VPS8: variants seen among roughly 807,000 people sequenced by gnomAD.
VPS8 encodes the protein vacuolar protein sorting-associated protein 8 homolog.
A neutral mutation model predicts 216.4 loss-of-function variants in VPS8; 129 were observed. The observed-to-expected ratio is 0.60, with a 90% CI of 0.52 to 0.69. The LOEUF is 0.69. VPS8 is among the 30% of genes least tolerant of loss of function. The probability of loss-of-function intolerance (pLI) is 0.00; values close to 1 mark genes in which losing one functional copy is unlikely to be tolerated. For missense variants in VPS8, 1,531 were observed against 1,683.5 expected (o/e 0.91, Z 1.59); for synonymous variants, 571 against 565.4 (o/e 1.01, Z -0.14).
At chr3:184,972,675 T>C (rs1331388174) in intron 40 of VPS8, among the ~76,000 whole-genome samples, 1 of 152,216 alleles carries the variant, frequency 6.6e-6, no homozygotes, top group East Asian at 1.9e-4. Context: ...AGATCCCAGA[T>C]GGCACAAAAG....
In VPS8 at chr3:184,966,946, G is replaced by A. The variant is rs1273663619; in HGVS notation, c.3316+233G>A. 4.0e-5 allele frequency among the ~76,000 whole-genome samples: 6 copies of A among 150,840 alleles called. No homozygotes were observed. In the East Asian group the frequency reaches 1.2e-3, roughly 30 times the overall value. On this transcript the variant is annotated intron_variant, in intron 39 of 47. Transcript: ENST00000625842. Reference sequence around the variant, plus strand: ...AATTTTCGGTGGAGTTAAATATACAGAAAATTATGCACTGTTTGTTGGTTA... The same window carrying A: ...AATTTTCGGTGGAGTTAAATATACAAAAAATTATGCACTGTTTGTTGGTTA...
At chr3:184,826,914 C>T (rs1232789023) in intron 3 of VPS8, among the ~76,000 whole-genome samples, 1 of 152,168 alleles carries the variant, frequency 6.6e-6, no homozygotes, top group African/African-American at 2.4e-5. Context: ...TCTAAAGGGG[C>T]TCTGTGAGAG....
At chr3:184,818,772 A>G (rs1328787886) in intron 1 of VPS8, among the ~76,000 whole-genome samples, 1 of 152,154 alleles carries the variant, frequency 6.6e-6, no homozygotes. Context: ...TTGTAATGTG[A>G]AAAAGTATCT....
At chr3:185,034,251 G>A (rs530111548) in intron 46 of VPS8, among the ~76,000 whole-genome samples, 133 of 152,306 alleles carry the variant, frequency 8.7e-4, no homozygotes, top group Middle Eastern at 3.4e-3. Flanking sequence ...TAGTCCATGT[G>A]TACCAGATTT....
intron 44 of VPS8, 60 bp from the exon 45 acceptor site, chr3:184,999,632 ACAAG>A: frequency 1.3e-6 from 2 of 1,510,018 alleles, no homozygotes; most frequent in Non-Finnish European, 1.8e-6. Flanking sequence ...AAGTACACTT[ACAAG>A]CTTATATTTA....
At chr3:184,827,648 A>G (rs1719073088) in intron 3 of VPS8, among the ~76,000 whole-genome samples, 1 of 152,232 alleles carries the variant, frequency 6.6e-6, no homozygotes, top group African/African-American at 2.4e-5. Context: ...TGCTCATGTG[A>G]ATGAGCTGTG....
At position 184,940,588 on chromosome 3, in the gene VPS8, G is replaced by A. The variant is rs537724955; in HGVS notation, c.3035+345G>A. ...TCTTGCCTACTCCTAACTTCATGTG[G>A]GTGATTGATGGTGGCTCTACTTTCC... is the stretch of plus-strand genomic sequence containing the variant. On this transcript the variant is annotated intron_variant, in intron 36 of 47. Coordinates refer to ENST00000625842, the MANE Select transcript of VPS8 (RefSeq NM_001009921.3). 2.6e-5 allele frequency among the ~76,000 whole-genome samples: 4 copies of A among 152,196 alleles called. No homozygotes were observed. The East Asian group carries it at 7.7e-4, about 29-fold the overall frequency.
intron 22 of VPS8, 66 bp downstream of exon 22, chr3:184,886,222 T>C (rs1731202127): frequency 7.1e-7 from 1 of 1,399,464 alleles, no homozygotes; most frequent in African/African-American, 1.4e-5. Flanking sequence ...GTATAAGCCA[T>C]TGCTAAGAAT....
At chr3:184,818,375 T>G (rs1161550082) in intron 1 of VPS8, among the ~76,000 whole-genome samples, 1 of 151,716 alleles carries the variant, frequency 6.6e-6, no homozygotes, top group East Asian at 1.9e-4. Context: ...TTCAAAAAAT[T>G]AGCTGGGCAT....
At chr3:184,863,175 C>T (rs2108740137) in intron 16 of VPS8, 108 bp downstream of exon 16, 151 of 1,341,320 alleles carry the variant, frequency 1.1e-4, no homozygotes, top group Middle Eastern at 2.7e-4. Flanking sequence ...CTTTTTCTGT[C>T]TTGAGGTGTT....
chr3:184,966,244 T>C (rs1274632921), intron 38 of VPS8, among the ~76,000 whole-genome samples: 1 of 152,038 alleles, frequency 6.6e-6, no homozygotes, highest in East Asian at 1.9e-4. Context: ...GAGGGAGACG[T>C]CACTCATTAC....
intron 14 of VPS8, among the ~76,000 whole-genome samples, chr3:184,859,268 A>T (rs922799188): frequency 6.6e-6 from 1 of 152,150 alleles, no homozygotes; most frequent in Admixed American, 6.5e-5. Context: ...TAAACTGCTG[A>T]TTTCTCTGGG....
chr3:184,936,988 C>T (rs371495357), intron 35 of VPS8, among the ~76,000 whole-genome samples: 10 of 152,132 alleles, frequency 6.6e-5, no homozygotes, highest in African/African-American at 1.7e-4. Flanking sequence ...CCGCCTGCCT[C>T]GGCCTCCCAA....
In VPS8 at chr3:184,852,698, C is replaced by T. The variant is rs563923536; in HGVS notation, c.821+131C>T. On this transcript the variant is annotated intron_variant, in intron 11 of 47. Transcript: ENST00000625842. ...GATTATGACTGTGTATTACAATTAC[C>T]TGGGAAGGCTTATATTAATAGAACA... 9.3e-5 allele frequency: 77 copies of T among 825,246 alleles called. No homozygotes were observed. The African/African-American group carries it at 1.2e-3, about 13-fold the overall frequency. 51.1% of individuals were successfully genotyped at this position (825,246 alleles called of 1,614,324 possible).
intron 21 of VPS8, among the ~76,000 whole-genome samples, chr3:184,877,078 T>A (rs1729403047): frequency 1.3e-5 from 2 of 152,236 alleles, no homozygotes. Context: ...TGTCTTAACA[T>A]CCCTGTTCTC....
intron 40 of VPS8, among the ~76,000 whole-genome samples, chr3:184,974,430 G>A (rs1158677544): frequency 1.3e-5 from 2 of 151,966 alleles, no homozygotes; most frequent in Admixed American, 6.6e-5. Flanking sequence ...CTATTGAGTT[G>A]AGTTCATTAT....
chr3:185,029,633 C>T (rs1757841673), intron 46 of VPS8, among the ~76,000 whole-genome samples: 1 of 151,102 alleles, frequency 6.6e-6, no homozygotes, highest in Admixed American at 6.6e-5. Context: ...GGTGTGATCT[C>T]AGTTCACTGC....
At chr3:184,997,010 T>G (rs1752701706) in intron 44 of VPS8, among the ~76,000 whole-genome samples, 1 of 152,234 alleles carries the variant, frequency 6.6e-6, no homozygotes, top group East Asian at 1.9e-4. Context: ...AGTTTTGTCT[T>G]GCACGTGTTA....
rs187252160 is a variant in VPS8 at position 184,921,198 on chromosome 3, A to G, written c.2454+1000A>G. ...CTGCTGTGAGAGAAAACTCAAAATAACAATAGTTTAATTGTGATGGGAATT... is the reference window on the plus strand; with the variant it reads ...CTGCTGTGAGAGAAAACTCAAAATAGCAATAGTTTAATTGTGATGGGAATT... On this transcript the variant is annotated intron_variant, in intron 29 of 47. Coordinates refer to ENST00000625842, the MANE Select transcript of VPS8 (RefSeq NM_001009921.3). 1.1e-4 allele frequency among the ~76,000 whole-genome samples: 16 copies of G among 152,344 alleles called. No individual in the cohort carries two copies. In the East Asian group the frequency reaches 2.5e-3, roughly 24 times the overall value.
Sources: gnomAD v4.1 joint callset for allele counts (sites outside exome capture counted in the v4.1 genomes callset) on GRCh38, gnomAD v4.1.1 for gene constraint, MANE v1.5 for transcripts, NCBI Gene and HGNC (gene_info 2026-07-23, HGNC 2026-07-21) for gene names.